GLI3: variants seen among roughly 807,000 people sequenced by gnomAD.
GLI3 encodes GLI family zinc finger 3, also known as transcription activator GLI3.
In GLI3, 20 loss-of-function variants were observed where a neutral mutation model predicts 100.8. The observed-to-expected ratio is 0.20, with a 90% CI of 0.14 to 0.29. The LOEUF is 0.29. Ranked by LOEUF, GLI3 falls within the 10% of genes least tolerant of loss-of-function variation. The pLI, the probability that GLI3 is intolerant of heterozygous loss-of-function variation, is 1.00. For synonymous variants in GLI3, 938 were observed against 860.5 expected (o/e 1.09, Z -1.58); for missense variants, 2,040 against 2,128.5 (o/e 0.96, Z 0.82).
intron 2 of GLI3, among the ~76,000 whole-genome samples, chr7:42,149,146 CT>C (rs1786794852): frequency 6.6e-6 from 1 of 152,206 alleles, no homozygotes; most frequent in African/African-American, 2.4e-5. Flanking sequence ...CTTCCTGCTT[CT>C]GTCCATACAA....
intron 10 of GLI3, among the ~76,000 whole-genome samples, chr7:42,008,852 T>C (rs1353169102): frequency 1.3e-5 from 2 of 152,218 alleles, no homozygotes; most frequent in Admixed American, 6.5e-5. Flanking sequence ...AGGTCCTATG[T>C]TGTTATCATA....
chr7:42,082,239 T>G (rs1258825082), intron 3 of GLI3, among the ~76,000 whole-genome samples: 1 of 152,024 alleles, frequency 6.6e-6, no homozygotes, highest in East Asian at 2.0e-4. Flanking sequence ...GCCTCATCAC[T>G]GTCTCTTCCC....
At chr7:42,116,668 A>AT (rs1391186660) in intron 3 of GLI3, among the ~76,000 whole-genome samples, 2 of 152,174 alleles carry the variant, frequency 1.3e-5, no homozygotes, top group African/African-American at 4.8e-5. Context: ...TGGCCAAAGC[A>AT]TTCTCCAAAT....
chr7:42,127,188 T>G (rs987952884), intron 3 of GLI3, among the ~76,000 whole-genome samples: 5 of 152,218 alleles, frequency 3.3e-5, no homozygotes, highest in African/African-American at 1.2e-4. Context: ...CCTTTTTAAC[T>G]TCGGCCAGAG....
At chr7:42,164,722 C>G (rs1583613535) in intron 2 of GLI3, among the ~76,000 whole-genome samples, 1 of 151,124 alleles carries the variant, frequency 6.6e-6, no homozygotes, top group Admixed American at 6.6e-5. Flanking sequence ...CCCAGCTATT[C>G]GGGAGGCTGA....
chr7:42,112,061 T>G (rs547390280), intron 3 of GLI3, among the ~76,000 whole-genome samples: 2 of 152,346 alleles, frequency 1.3e-5, no homozygotes, highest in South Asian at 4.2e-4. Flanking sequence ...TGCCAGATGC[T>G]GAAGACTCCC....
chr7:42,005,509 A>G (rs1394742157), intron 10 of GLI3, among the ~76,000 whole-genome samples: 1 of 149,432 alleles, frequency 6.7e-6, no homozygotes, highest in African/African-American at 2.5e-5. Flanking sequence ...ATTCAGAGTC[A>G]TGTCTGGATG....
intron 2 of GLI3, among the ~76,000 whole-genome samples, chr7:42,170,334 A>G (rs190778476): frequency 2.3e-4 from 35 of 149,182 alleles, no homozygotes; most frequent in Admixed American, 4.0e-4. Context: ...GTAGAAATAA[A>G]TGTGTTTTTA....
At chr7:42,134,097 A>G (rs1231536122) in intron 3 of GLI3, among the ~76,000 whole-genome samples, 6 of 147,332 alleles carry the variant, frequency 4.1e-5, no homozygotes, top group Non-Finnish European at 7.6e-5. Flanking sequence ...AAAAAAAAAG[A>G]AAAAAAAATC....
At position 41,972,484 on chromosome 7, in the gene GLI3, G is replaced by A; in HGVS notation, c.1956C>T (p.Pro652=). The A allele has an allele frequency of 6.2e-7, 1 of 1,613,082 alleles. No homozygotes were observed. ...QRGDIHPRPP[P]PRDSGSHSQS... is the part of the protein sequence containing the mutation. ...GTGAATGGCTGCCGGAATCTCTCGG[G>A]GGTGGCGGCCGAGGATGGATGTCCC... Residue 652 remains proline (P), a synonymous_variant, in exon 13 of 15, where the codon CCC becomes CCT. Coordinates refer to ENST00000395925, the MANE Select transcript of GLI3 (RefSeq NM_000168.6). The surrounding 1 kb of genome is among the most constrained non-coding windows in gnomAD (Gnocchi z 4.4).
chr7:42,255,280 C>G (rs7798470), intron 1 of GLI3, among the ~76,000 whole-genome samples: 44,172 of 152,074 alleles, frequency 0.29, 7,248 homozygotes, highest in Middle Eastern at 0.43. Context: ...CTGTTACACT[C>G]TCTCATAGCA....
chr7:41,995,129 G>A (rs10486731), intron 10 of GLI3, among the ~76,000 whole-genome samples: 7,525 of 152,278 alleles, frequency 0.049, 257 homozygotes, highest in Middle Eastern at 0.15. Context: ...CATGCAAAAT[G>A]ATGTCTGTAT....
chr7:42,094,955 G>A (rs1396914042), intron 3 of GLI3, among the ~76,000 whole-genome samples: 2 of 152,136 alleles, frequency 1.3e-5, no homozygotes, highest in African/African-American at 2.4e-5. Flanking sequence ...AGGGAGCAGT[G>A]GGCAGAGGAC....
chr7:42,075,336 A>C (rs1250914213), intron 4 of GLI3, among the ~76,000 whole-genome samples: 1 of 152,210 alleles, frequency 6.6e-6, no homozygotes, highest in Non-Finnish European at 1.5e-5. Context: ...TCTGGGAGGA[A>C]TTAGCCATCC....
At chr7:42,123,638 G>T (rs1390024190) in intron 3 of GLI3, among the ~76,000 whole-genome samples, 1 of 152,112 alleles carries the variant, frequency 6.6e-6, no homozygotes, top group Non-Finnish European at 1.5e-5. Flanking sequence ...GTACTAAATT[G>T]ATGTCATCAT....
chr7:42,205,053 G>A (rs758737602), intron 2 of GLI3, among the ~76,000 whole-genome samples: 2 of 152,224 alleles, frequency 1.3e-5, no homozygotes, highest in Non-Finnish European at 2.9e-5. Flanking sequence ...GCTTTCAAGT[G>A]TACGAAGTTG....
Position 42,048,702 on chromosome 7 carries a change from T to C in GLI3, c.474-6A>G, listed in dbSNP as rs778136455. On this transcript the variant is annotated splice_region_variant and splice_polypyrimidine_tract_variant and intron_variant, in intron 4 of 14. Transcript: ENST00000395925. ...TACTAGATAAGGCGGAAGTCCTGGG[T>C]ACAAAGAAAACCAGATACAAGGGGT... 6.3e-7 allele frequency: 1 copy of C among 1,599,622 alleles called. No individual in the cohort carries two copies. Among genetic ancestry groups the C allele is most frequent in the Admixed American group, 1.7e-5 (1 of 58,806 alleles).
chr7:42,074,479 A>C (rs1784840363), intron 4 of GLI3, among the ~76,000 whole-genome samples: 1 of 152,242 alleles, frequency 6.6e-6, no homozygotes, highest in African/African-American at 2.4e-5. Flanking sequence ...AGCAAGAGGA[A>C]AAGCATCACA....
At chr7:42,258,157 C>G (rs6463099) in intron 1 of GLI3, among the ~76,000 whole-genome samples, 18,238 of 152,172 alleles carry the variant, frequency 0.12, 2,535 homozygotes, top group African/African-American at 0.34. Context: ...CATGAGGTCA[C>G]AGATGTTTTC....
Sources: gnomAD v4.1 joint callset for allele counts (sites outside exome capture counted in the v4.1 genomes callset) on GRCh38, gnomAD v4.1.1 for gene constraint, Gnocchi (gnomAD v3.1) non-coding constraint, MANE v1.5 for transcripts, NCBI Gene and HGNC (gene_info 2026-07-23, HGNC 2026-07-21) for gene names.